Variants in RAD54L observed in about 807,000 individuals in gnomAD.
RAD54L encodes the protein DNA repair and recombination protein RAD54-like.
A neutral mutation model predicts 91.6 loss-of-function variants in RAD54L; 74 were observed. The ratio of observed to expected loss-of-function variants is 0.81; its 90% CI spans 0.67 to 0.98. The LOEUF (loss-of-function observed/expected upper bound fraction) is 0.98. RAD54L is among the 50% of genes least tolerant of loss of function. RAD54L has a pLI of 0.00. For synonymous variants in RAD54L, 304 were observed against 349.7 expected (o/e 0.87, Z 1.46); for missense variants, 887 against 945.7 (o/e 0.94, Z 0.81).
chr1:46,264,003 G>A (rs1049412528), intron 8 of RAD54L, among the ~76,000 whole-genome samples: 5 of 152,098 alleles, frequency 3.3e-5, no homozygotes, highest in Non-Finnish European at 7.4e-5. Flanking sequence ...CACCATGTTG[G>A]CCAGGCTAGT....
At chr1:46,255,125 G>A (rs1337420462) in intron 3 of RAD54L, among the ~76,000 whole-genome samples, 2 of 152,244 alleles carry the variant, frequency 1.3e-5, no homozygotes, top group Non-Finnish European at 2.9e-5. Flanking sequence ...GGAAGAGTGG[G>A]AGGAAAGAAG....
Position 46,270,850 on chromosome 1 carries a change from G to T in RAD54L, c.1169+65G>T. 5.0e-6 allele frequency: 8 copies of T among 1,605,140 alleles called. No individual in the cohort carries two copies. The South Asian group carries it at 9.0e-5, about 18-fold the overall frequency. ...ACCATCCATGGCCAATCCTTTGGGG[G>T]CTTTGCCTCTCTAGAGCCCTCAAAG... On this transcript the variant is annotated intron_variant, in intron 10 of 17. Transcript: ENST00000371975.
chr1:46,277,539 A>C, intron 16 of RAD54L: 1 of 498,996 alleles, frequency 2.0e-6, no homozygotes, highest in Non-Finnish European at 3.6e-6. Context: ...TGCAGCAGAC[A>C]AACCTCAGTT....
chr1:46,248,797 A>T (rs1659721127), intron 2 of RAD54L, among the ~76,000 whole-genome samples, 199 bp downstream of exon 2: 1 of 152,236 alleles, frequency 6.6e-6, no homozygotes, highest in African/African-American at 2.4e-5. Context: ...ACTAGAAGCT[A>T]ATATAGCCTC....
intron 3 of RAD54L, among the ~76,000 whole-genome samples, chr1:46,257,037 G>C (rs1659960817): frequency 6.6e-6 from 1 of 151,626 alleles, no homozygotes; most frequent in Non-Finnish European, 1.5e-5. Context: ...CCAGCTACTT[G>C]GGAGGCTGAG....
chr1:46,277,939 G>A lies in RAD54L; in HGVS notation c.1992G>A (p.Leu664=), dbSNP rs1660665584. ...RHFSLGELKE[L]FILDEASLSD... ...TCTCTCTGGGCGAGTTGAAGGAGCT[G>A]TTTATCCTGGATGAAGCTAGCCTCA... Residue 664 remains leucine (L), a synonymous_variant, in exon 17 of 18, where the codon CTG becomes CTA. Coordinates refer to ENST00000371975, the MANE Select transcript of RAD54L (RefSeq NM_003579.4). 1.2e-6 allele frequency: 2 copies of A among 1,614,010 alleles called. No individual in the cohort carries two copies. The highest frequency in any genetic ancestry group is 3.3e-5 in the Admixed American group (2 of 59,998).
At chr1:46,270,147 A>G (rs1210890364) in intron 9 of RAD54L, among the ~76,000 whole-genome samples, 1 of 152,132 alleles carries the variant, frequency 6.6e-6, no homozygotes, top group Non-Finnish European at 1.5e-5. Context: ...AGGCGGGCAG[A>G]TCGCGAGATC....
chr1:46,274,246 C>T, intron 15 of RAD54L, 30 bp downstream of exon 15: 1 of 1,570,658 alleles, frequency 6.4e-7, no homozygotes, highest in African/African-American at 1.4e-5. Context: ...CCCACACCAC[C>T]AATGCAGTAT....
At position 46,277,535 on chromosome 1, in the gene RAD54L, A is replaced by G. The variant is rs374467875; in HGVS notation, c.1870-282A>G. ...TGGTGCAGAAATCTGAAGCTGCAGC[A>G]GACAAACCTCAGTTCACCCTGACGG... On this transcript the variant is annotated intron_variant, in intron 16 of 17. Coordinates refer to ENST00000371975, the MANE Select transcript of RAD54L (RefSeq NM_003579.4). The G allele has an allele frequency of 8.2e-4, 406 of 493,462 alleles. 1 individual carries two copies. Among genetic ancestry groups the G allele is most frequent in the African/African-American group, 6.6e-3 (341 of 51,820 alleles). The allele number at this position is 493,462 out of a possible 1,614,324, so 30.6% of individuals were successfully genotyped here.
intron 10 of RAD54L, among the ~76,000 whole-genome samples, chr1:46,271,888 C>T (rs372831821): frequency 6.6e-6 from 1 of 152,062 alleles, no homozygotes. Flanking sequence ...AATGGGAAGC[C>T]TCAGTCTTCT....
At chr1:46,268,411 C>T (rs1660326324) in intron 9 of RAD54L, among the ~76,000 whole-genome samples, 1 of 152,140 alleles carries the variant, frequency 6.6e-6, no homozygotes, top group Non-Finnish European at 1.5e-5. Flanking sequence ...TTAGTGTCAC[C>T]CCAACTTGCC....
intron 7 of RAD54L, 56 bp from the exon 8 acceptor site, chr1:46,261,204 GT>G (rs750795604): frequency 5.4e-3 from 7,148 of 1,318,862 alleles, no homozygotes; most frequent in South Asian, 7.3e-3. Context: ...TGTTTTTTTT[GT>G]TTTTTTTTTT....
rs550533240 is a variant in RAD54L, at chr1:46,276,365, A to C, written c.1870-1452A>C. On this transcript the variant is annotated intron_variant, in intron 16 of 17. Transcript: ENST00000371975. ...TTTTTTGTAGAGAAGGGGTCTTGCT[A>C]TGTTGCCTAGGCTGGTCTCGAACAT... Among the ~76,000 whole-genome samples the C allele has an allele frequency of 1.3e-3, 200 of 152,042 alleles. 1 individual carries two copies. Among genetic ancestry groups the C allele is most frequent in the Non-Finnish European group, 2.2e-3 (152 of 67,960 alleles).
At chr1:46,260,640 G>A (rs1660085155) in intron 6 of RAD54L, 29 bp downstream of exon 6, 1 of 1,613,660 alleles carries the variant, frequency 6.2e-7, no homozygotes. Context: ...AACGAGGTAT[G>A]GGCTATGGGC....
intron 8 of RAD54L, among the ~76,000 whole-genome samples, chr1:46,261,684 T>C (rs1660133240): frequency 6.6e-6 from 1 of 152,232 alleles, no homozygotes; most frequent in South Asian, 2.1e-4. Context: ...TGGCAATGTT[T>C]AGAGGATATA....
At chr1:46,276,662 C>T (rs1660612572) in intron 16 of RAD54L, among the ~76,000 whole-genome samples, 1 of 152,226 alleles carries the variant, frequency 6.6e-6, no homozygotes, top group Admixed American at 6.5e-5. Context: ...GATATTGCAG[C>T]AGCTTCCTAA....
rs558185107 is a variant in RAD54L at position 46,267,712 on chromosome 1, T to C, written c.1042+103T>C. On this transcript the variant is annotated intron_variant, in intron 9 of 17. Coordinates refer to ENST00000371975, the MANE Select transcript of RAD54L (RefSeq NM_003579.4). The stretch of plus-strand genomic sequence containing the variant: ...GAAAGAAGAGAATGCTAGTTATATG[T>C]GGGTCACTAGGCATTCTTGTAGGAA... The C allele has an allele frequency of 9.8e-6, 14 of 1,424,876 alleles. No homozygotes were observed. In the East Asian group the frequency reaches 3.3e-4, roughly 33 times the overall value. 88.3% of individuals were successfully genotyped at this position (1,424,876 alleles called of 1,614,324 possible).
Position 46,258,816 on chromosome 1 carries a change from C to T in RAD54L, c.271+70C>T, listed in dbSNP as rs1557700536. 1.7e-5 allele frequency: 21 copies of T among 1,252,642 alleles called. No homozygotes were observed. In the South Asian group the frequency reaches 2.4e-4, roughly 14 times the overall value. 77.6% of individuals were successfully genotyped at this position (1,252,642 alleles called of 1,614,324 possible). ...TGTGCCTGAATAAATTAAAAACCTGCTTTTGTAAATACAAGCTTAGCTGGG... is the reference window on the plus strand; with the variant it reads ...TGTGCCTGAATAAATTAAAAACCTGTTTTTGTAAATACAAGCTTAGCTGGG... On this transcript the variant is annotated intron_variant, in intron 4 of 17. Coordinates refer to ENST00000371975, the MANE Select transcript of RAD54L (RefSeq NM_003579.4).
In RAD54L at chr1:46,265,282, A is replaced by G. The variant is rs963001300; in HGVS notation, c.892-2177A>G. On this transcript the variant is annotated intron_variant, in intron 8 of 17. Coordinates refer to ENST00000371975, the MANE Select transcript of RAD54L (RefSeq NM_003579.4). The surrounding 1 kb of genome is among the most constrained non-coding windows in gnomAD (Gnocchi z 4.8). Reference sequence around the variant, plus strand: ...CGGATCACTTGAGGTCAGGATTTCAAGACTAGCCTGGCCAACATGGTGAAA... The same window carrying G: ...CGGATCACTTGAGGTCAGGATTTCAGGACTAGCCTGGCCAACATGGTGAAA... 6.6e-6 allele frequency among the ~76,000 whole-genome samples: 1 copy of G among 152,178 alleles called. No homozygotes were observed. The highest frequency in any genetic ancestry group is 1.5e-5 in the Non-Finnish European group (1 of 68,024).
Sources: gnomAD v4.1 joint callset for allele counts (sites outside exome capture counted in the v4.1 genomes callset) on GRCh38, gnomAD v4.1.1 for gene constraint, Gnocchi (gnomAD v3.1) non-coding constraint, MANE v1.5 for transcripts, NCBI Gene and HGNC (gene_info 2026-07-23, HGNC 2026-07-21) for gene names.